The following AUTS2 variants were observed in gnomAD, a reference collection of about 807,000 sequenced individuals.
The protein encoded by AUTS2 is autism susceptibility gene 2 protein.
In AUTS2, 17 loss-of-function variants were observed where a neutral mutation model predicts 112.4. The observed-to-expected ratio is 0.15, with a 90% CI of 0.10 to 0.23. The LOEUF is 0.23. AUTS2 is among the 10% of genes least tolerant of loss of function. The pLI is 1.00. For missense variants in AUTS2, 1,510 were observed against 1,701.6 expected (o/e 0.89, Z 1.98); for synonymous variants, 751 against 702.7 (o/e 1.07, Z -1.09).
chr7:69,963,891 G>C (rs558427881), intron 2 of AUTS2, among the ~76,000 whole-genome samples: 9 of 152,150 alleles, frequency 5.9e-5, no homozygotes, highest in African/African-American at 2.2e-4. Context: ...TTTTCTCCCT[G>C]CTGCCACTGG....
intron 4 of AUTS2, among the ~76,000 whole-genome samples, chr7:70,302,950 A>G (rs1283638872): frequency 1.4e-5 from 2 of 141,666 alleles, no homozygotes; most frequent in African/African-American, 5.3e-5. Flanking sequence ...CTGTCCTAAT[A>G]TATCCTTTCT....
intron 1 of AUTS2, among the ~76,000 whole-genome samples, chr7:69,639,861 G>C (rs1023458722): frequency 1.3e-5 from 2 of 152,198 alleles, no homozygotes; most frequent in Non-Finnish European, 2.9e-5. Context: ...TCTGGACTTG[G>C]AGAAGACCCA....
chr7:70,246,685 A>T (rs964357889), intron 4 of AUTS2, among the ~76,000 whole-genome samples: 3 of 151,568 alleles, frequency 2.0e-5, no homozygotes, highest in Non-Finnish European at 1.5e-5. Flanking sequence ...TTGTCTTACT[A>T]CTCTTCCGTG....
intron 4 of AUTS2, among the ~76,000 whole-genome samples, chr7:70,343,124 G>A (rs890643245): frequency 6.6e-6 from 1 of 152,134 alleles, no homozygotes; most frequent in Admixed American, 6.5e-5. Flanking sequence ...TTTAATTATA[G>A]TTGATTAAAT....
intron 5 of AUTS2, among the ~76,000 whole-genome samples, chr7:70,538,772 T>A (rs1800427151): frequency 6.6e-6 from 1 of 152,230 alleles, no homozygotes; most frequent in African/African-American, 2.4e-5. Context: ...CTTTCCCATA[T>A]TCCATTTCAT....
In AUTS2 at chr7:69,607,687, A is replaced by G. The variant is rs776728196; in HGVS notation, c.309+7725A>G. On this transcript the variant is annotated intron_variant, in intron 1 of 18. Transcript: ENST00000342771. Reference sequence around the variant, plus strand: ...CTTAACTGTCATTTTAGCTTGCACTATACCTCACGGTGCCATACCCCCTTG... The same window carrying G: ...CTTAACTGTCATTTTAGCTTGCACTGTACCTCACGGTGCCATACCCCCTTG... Among the ~76,000 whole-genome samples, 7 of 152,314 alleles carry G rather than the reference A, an allele frequency of 4.6e-5. No homozygotes were observed. The South Asian group carries it at 1.5e-3, about 32-fold the overall frequency.
intron 4 of AUTS2, among the ~76,000 whole-genome samples, chr7:70,296,493 ATATAC>A (rs1788939841): frequency 6.6e-6 from 1 of 152,220 alleles, no homozygotes; most frequent in Non-Finnish European, 1.5e-5. Context: ...CATTTTCAGC[ATATAC>A]GTACAGTTTT....
intron 1 of AUTS2, among the ~76,000 whole-genome samples, chr7:69,750,330 A>G (rs972424713): frequency 6.6e-6 from 1 of 150,970 alleles, no homozygotes; most frequent in African/African-American, 2.4e-5. Flanking sequence ...TGAGCCAAGT[A>G]TTTCCACAAA....
intron 1 of AUTS2, among the ~76,000 whole-genome samples, chr7:69,709,117 C>T (rs191949882): frequency 2.0e-5 from 3 of 152,252 alleles, no homozygotes; most frequent in East Asian, 1.9e-4. Flanking sequence ...GCAGACTTAG[C>T]GGAACTGCAC....
intron 5 of AUTS2, among the ~76,000 whole-genome samples, chr7:70,458,169 C>G (rs962721845): frequency 1.3e-5 from 2 of 152,160 alleles, no homozygotes; most frequent in Admixed American, 1.3e-4. Context: ...AGGAGGCTGC[C>G]GGCTCAGCCT....
intron 5 of AUTS2, among the ~76,000 whole-genome samples, chr7:70,472,910 G>A (rs1446955195): frequency 6.6e-6 from 1 of 152,164 alleles, no homozygotes; most frequent in Non-Finnish European, 1.5e-5. Context: ...TCTATCACCA[G>A]AAGTATGGCA....
intron 2 of AUTS2, among the ~76,000 whole-genome samples, chr7:70,002,468 T>C (rs1799242587): frequency 6.6e-6 from 1 of 152,116 alleles, no homozygotes; most frequent in African/African-American, 2.4e-5. Context: ...GAAGATACAA[T>C]TTTAAATGGT....
chr7:70,296,994 A>C (rs1274918547), intron 4 of AUTS2, among the ~76,000 whole-genome samples: 1 of 149,922 alleles, frequency 6.7e-6, no homozygotes, highest in Non-Finnish European at 1.5e-5. Flanking sequence ...GGTGTGCACC[A>C]TAATGCCTGA....
chr7:69,671,483 GC>G lies in AUTS2; in HGVS notation c.309+71522del, dbSNP rs1390114843. Among the ~76,000 whole-genome samples, 147 of 135,958 alleles carry G rather than the reference GC, an allele frequency of 1.1e-3. 2 individuals are homozygous for G. Among genetic ancestry groups the G allele is most frequent in the South Asian group, 2.9e-3 (11 of 3,732 alleles). 89.2% of individuals were successfully genotyped at this position (135,958 alleles called of 152,430 possible). ...ACAAAATGTTTTGGCTGCTGCTGCTGCTGGTGTGTGTGTGTGTGTGTGTGTG... is the reference window on the plus strand; with the variant it reads ...ACAAAATGTTTTGGCTGCTGCTGCTGTGGTGTGTGTGTGTGTGTGTGTGTG... On this transcript the variant is annotated intron_variant, in intron 1 of 18. Coordinates refer to ENST00000342771, the MANE Select transcript of AUTS2 (RefSeq NM_015570.4).
chr7:69,980,269 C>T (rs1798242001), intron 2 of AUTS2, among the ~76,000 whole-genome samples: 1 of 152,102 alleles, frequency 6.6e-6, no homozygotes, highest in South Asian at 2.1e-4. Flanking sequence ...CCTTTTAAAA[C>T]TTATTTTTCT....
At chr7:69,676,229 G>A (rs1159366156) in intron 1 of AUTS2, among the ~76,000 whole-genome samples, 1 of 152,188 alleles carries the variant, frequency 6.6e-6, no homozygotes, top group Non-Finnish European at 1.5e-5. Context: ...AGCATTTGGG[G>A]ATTCAAAGGA....
At chr7:69,823,604 G>A (rs781338596) in intron 1 of AUTS2, among the ~76,000 whole-genome samples, 1 of 152,108 alleles carries the variant, frequency 6.6e-6, no homozygotes, top group Non-Finnish European at 1.5e-5. Flanking sequence ...AATTAGGGGC[G>A]ACTAACATCA....
intron 4 of AUTS2, among the ~76,000 whole-genome samples, chr7:70,254,154 A>G (rs1786740831): frequency 6.6e-6 from 1 of 152,162 alleles, no homozygotes; most frequent in South Asian, 2.1e-4. Flanking sequence ...TGGAAGTATC[A>G]GTCTTAGTAC....
rs77263273 is a variant in AUTS2, at chr7:70,562,671, A to G, written c.690+126890A>G. Among the ~76,000 whole-genome samples the G allele has an allele frequency of 2.7e-3, 415 of 152,318 alleles. 16 individuals carry two copies. The East Asian group carries it at 0.075, about 27-fold the overall frequency. On this transcript the variant is annotated intron_variant, in intron 5 of 18. Coordinates refer to ENST00000342771, the MANE Select transcript of AUTS2 (RefSeq NM_015570.4). Reference sequence around the variant, plus strand: ...TTTCTTTGTGTCCAGAGTACCCAGGATAATACTTGGAACTTAATAGAGGTA... The same window carrying G: ...TTTCTTTGTGTCCAGAGTACCCAGGGTAATACTTGGAACTTAATAGAGGTA...
Sources: allele counts gnomAD v4.1 joint callset (sites outside exome capture counted in the v4.1 genomes callset), GRCh38; gene constraint gnomAD v4.1.1; transcripts MANE v1.5; gene names NCBI Gene and HGNC (gene_info 2026-07-23, HGNC 2026-07-21).